The following LRRTM4 variants were observed in gnomAD, a reference collection of about 807,000 sequenced individuals.
The protein encoded by LRRTM4 is leucine-rich repeat transmembrane neuronal protein 4.
LRRTM4 carries 25 observed loss-of-function variants against 47.6 expected under a neutral mutation model. That is an observed-to-expected ratio of 0.53 (90% CI 0.38 to 0.73). The LOEUF is 0.73. Ranked by LOEUF, LRRTM4 falls within the 30% of genes least tolerant of loss-of-function variation. LRRTM4 has a pLI of 0.00. For synonymous variants in LRRTM4, 311 were observed against 269.5 expected, an observed-to-expected ratio of 1.15 and a Z score of -1.51; for missense variants, 638 against 713.4, an observed-to-expected ratio of 0.89 and a Z score of 1.20.
At chr2:77,108,595 T>A (rs1349938567) in intron 3 of LRRTM4, among the ~76,000 whole-genome samples, 1 of 151,352 alleles carries the variant, frequency 6.6e-6, no homozygotes, top group Admixed American at 6.6e-5. Flanking sequence ...TTTTTTTCTT[T>A]TTTTTTGAGA....
chr2:76,965,001 T>TCAA (rs1020368749), intron 3 of LRRTM4, among the ~76,000 whole-genome samples: 1 of 150,664 alleles, frequency 6.6e-6, no homozygotes, highest in Admixed American at 6.6e-5. Flanking sequence ...GAAAAATAGA[T>TCAA]CTGATTAAGC....
intron 3 of LRRTM4, among the ~76,000 whole-genome samples, chr2:76,892,944 T>G (rs1343127946): frequency 6.6e-6 from 1 of 151,142 alleles, no homozygotes; most frequent in Non-Finnish European, 1.5e-5. Flanking sequence ...AAGATTTTCC[T>G]ACTAATGGAG....
chr2:77,514,741 C>A (rs1224084992), intron 3 of LRRTM4, among the ~76,000 whole-genome samples: 1 of 151,870 alleles, frequency 6.6e-6, no homozygotes, highest in Non-Finnish European at 1.5e-5. Flanking sequence ...ATGTACAAAA[C>A]AAACTACAAA....
intron 3 of LRRTM4, among the ~76,000 whole-genome samples, chr2:77,411,129 G>A (rs1674403945): frequency 6.6e-6 from 1 of 152,100 alleles, no homozygotes; most frequent in African/African-American, 2.4e-5. Context: ...AGAACATTCA[G>A]GAAAGGCTTC....
intron 3 of LRRTM4, among the ~76,000 whole-genome samples, chr2:77,132,940 A>G (rs1671841562): frequency 6.6e-6 from 1 of 152,138 alleles, no homozygotes; most frequent in Admixed American, 6.6e-5. Context: ...GATAAAATGC[A>G]GGTTGGTATA....
In LRRTM4 at chr2:77,518,803, T is replaced by C; in HGVS notation, c.1066A>G (p.Thr356Ala). Residue 356 changes from threonine to alanine, a missense_variant, in exon 3 of 4, where the codon ACA (threonine) becomes GCA (alanine). Transcript: ENST00000409884. ...QGEKVSDAVE[T>A]YNICSEVQVV... is the part of the protein sequence containing the mutation. ...TGGACTTCAGAACAGATATTATATG[T>C]TTCCACTGCATCACTAACCTTTTCA... 1 of 1,612,254 alleles carries C rather than the reference T, an allele frequency of 6.2e-7. No homozygotes were observed.
chr2:77,434,759 G>A (rs567928315), intron 3 of LRRTM4, among the ~76,000 whole-genome samples: 1 of 152,228 alleles, frequency 6.6e-6, no homozygotes, highest in South Asian at 2.1e-4. Context: ...AAAGCATAGT[G>A]ATTTGCCCAA....
chr2:76,786,819 AG>A (rs1306274756), intron 3 of LRRTM4, among the ~76,000 whole-genome samples: 6 of 152,248 alleles, frequency 3.9e-5, no homozygotes, highest in Admixed American at 1.3e-4. Context: ...AGAATACAGA[AG>A]GAACTGGAAT....
At chr2:76,939,582 C>A in intron 3 of LRRTM4, among the ~76,000 whole-genome samples, 1 of 151,614 alleles carries the variant, frequency 6.6e-6, no homozygotes, top group African/African-American at 2.4e-5. Context: ...AGTGGCCCAT[C>A]TTAGTACTGA....
intron 3 of LRRTM4, among the ~76,000 whole-genome samples, chr2:76,901,018 T>C (rs1420042460): frequency 6.6e-6 from 1 of 152,166 alleles, no homozygotes; most frequent in South Asian, 2.1e-4. Flanking sequence ...TAAGCAGAAG[T>C]CCAATGAGAA....
intron 3 of LRRTM4, among the ~76,000 whole-genome samples, chr2:76,851,619 T>C (rs1048703391): frequency 6.6e-6 from 1 of 152,098 alleles, no homozygotes; most frequent in Admixed American, 6.6e-5. Context: ...CTTTAGATAA[T>C]TGCTTGACCT....
At chr2:77,270,233 A>G (rs1676155948) in intron 3 of LRRTM4, among the ~76,000 whole-genome samples, 1 of 152,156 alleles carries the variant, frequency 6.6e-6, no homozygotes, top group Admixed American at 6.5e-5. Flanking sequence ...GACCTAGAAA[A>G]TTGAAAAGTT....
At chr2:77,037,120 T>G (rs1396540515) in intron 3 of LRRTM4, among the ~76,000 whole-genome samples, 1 of 151,708 alleles carries the variant, frequency 6.6e-6, no homozygotes, top group Non-Finnish European at 1.5e-5. Context: ...TGGACGGGGT[T>G]CCACTGCTAG....
intron 3 of LRRTM4, among the ~76,000 whole-genome samples, chr2:77,213,937 G>C (rs977876062): frequency 6.6e-6 from 1 of 151,122 alleles, no homozygotes; most frequent in Non-Finnish European, 1.5e-5. Flanking sequence ...TTCAGCTCCT[G>C]CATTAAAAAA....
chr2:77,157,849 A>G (rs1672601109), intron 3 of LRRTM4, among the ~76,000 whole-genome samples: 1 of 152,184 alleles, frequency 6.6e-6, no homozygotes, highest in Non-Finnish European at 1.5e-5. Flanking sequence ...AACATGAGCT[A>G]TATTATGAGC....
At chr2:77,023,826 C>T (rs990181610) in intron 3 of LRRTM4, among the ~76,000 whole-genome samples, 1 of 152,158 alleles carries the variant, frequency 6.6e-6, no homozygotes, top group Non-Finnish European at 1.5e-5. Context: ...CAACCTCTGC[C>T]TGTTATCCAG....
intron 3 of LRRTM4, among the ~76,000 whole-genome samples, chr2:77,163,269 G>A (rs1247417493): frequency 1.3e-5 from 2 of 152,094 alleles, no homozygotes; most frequent in Non-Finnish European, 2.9e-5. Context: ...GAGAAGAGAA[G>A]TTTAGAGAAA....
chr2:76,875,757 A>G (rs1303038909), intron 3 of LRRTM4, among the ~76,000 whole-genome samples: 1 of 152,150 alleles, frequency 6.6e-6, no homozygotes, highest in Non-Finnish European at 1.5e-5. Flanking sequence ...ATCTATGTTG[A>G]GATTGGTTTC....
intron 3 of LRRTM4, among the ~76,000 whole-genome samples, chr2:76,755,743 C>T (rs1394570236): frequency 1.3e-5 from 2 of 152,124 alleles, no homozygotes; most frequent in African/African-American, 2.4e-5. Context: ...CTCAGCCTTA[C>T]TCACAGGGTT....
Sources: gnomAD v4.1 joint callset for allele counts (sites outside exome capture counted in the v4.1 genomes callset) on GRCh38, gnomAD v4.1.1 for gene constraint, MANE v1.5 for transcripts, NCBI Gene and HGNC (gene_info 2026-07-23, HGNC 2026-07-21) for gene names.